Variants in USP47 observed in about 807,000 individuals in gnomAD.
The protein encoded by USP47 is ubiquitin specific peptidase 47, also known as ubiquitin carboxyl-terminal hydrolase 47.
In USP47, 35 loss-of-function variants were observed where a neutral mutation model predicts 165.1. That is an observed-to-expected ratio of 0.21 (90% CI 0.16 to 0.28). The LOEUF is 0.28. Among genes scored for constraint, USP47 ranks in the 10% least tolerant of loss-of-function variants. The probability of loss-of-function intolerance (pLI) is 1.00; values close to 1 mark genes in which losing one functional copy is unlikely to be tolerated. For synonymous variants in USP47, 531 were observed against 544.5 expected, an observed-to-expected ratio of 0.98 and a Z score of 0.35; for missense variants, 1,277 against 1,607.4, an observed-to-expected ratio of 0.79 and a Z score of 3.52.
chr11:11,895,740 C>T (rs1479557016), intron 4 of USP47, among the ~76,000 whole-genome samples: 1 of 150,588 alleles, frequency 6.6e-6, no homozygotes, highest in Non-Finnish European at 1.5e-5. Context: ...TGATACCTGT[C>T]TTTGGCCAGT....
intron 4 of USP47, among the ~76,000 whole-genome samples, chr11:11,894,200 T>C (rs912948360): frequency 2.0e-5 from 3 of 152,172 alleles, no homozygotes; most frequent in Non-Finnish European, 2.9e-5. Flanking sequence ...CTCACTGTTA[T>C]AATCCCATCA....
At chr11:11,859,887 T>G (rs1394716078) in intron 1 of USP47, among the ~76,000 whole-genome samples, 1 of 152,000 alleles carries the variant, frequency 6.6e-6, no homozygotes, top group African/African-American at 2.4e-5. Context: ...GCGAATCATT[T>G]GAGGTCAGGA....
At chr11:11,895,857 C>G (rs920879090) in intron 4 of USP47, among the ~76,000 whole-genome samples, 4 of 152,054 alleles carry the variant, frequency 2.6e-5, no homozygotes, top group African/African-American at 9.7e-5. Context: ...TTTAGGATTT[C>G]TTTTTGCATG....
At chr11:11,923,430 G>T (rs1401068312) in intron 11 of USP47, among the ~76,000 whole-genome samples, 3 of 152,002 alleles carry the variant, frequency 2.0e-5, no homozygotes, top group Admixed American at 2.0e-4. Flanking sequence ...TAGTCCTCAA[G>T]ACACTTTGAA....
intron 14 of USP47, among the ~76,000 whole-genome samples, chr11:11,932,133 A>G (rs1854713616): frequency 6.6e-6 from 1 of 152,130 alleles, no homozygotes; most frequent in East Asian, 1.9e-4. Flanking sequence ...AGAAGGCAAT[A>G]TGGGAGCAGG....
Position 11,892,062 on chromosome 11 carries a change from G to T in USP47, c.452G>T (p.Ser151Ile). 6.2e-7 allele frequency: 1 copy of T among 1,613,778 alleles called. No individual in the cohort carries two copies. Among genetic ancestry groups the T allele is most frequent in the Non-Finnish European group, 8.5e-7 (1 of 1,179,832 alleles). The change falls in exon 4 of 28, where the codon AGC becomes ATC. Residue 151 changes from serine (S) to isoleucine (I), a missense_variant. Coordinates refer to ENST00000527733, the MANE Select transcript of USP47 (RefSeq NM_001282659.2). ...GSGGSTSDYV[S>I]QSYSYSSILN... ...GGGGGTTCTACCAGTGATTATGTCA[G>T]CCAAAGCTACTCCTACTCATCTATT...
intron 1 of USP47, among the ~76,000 whole-genome samples, chr11:11,879,489 G>A (rs148165527): frequency 6.6e-6 from 1 of 152,218 alleles, no homozygotes; most frequent in African/African-American, 2.4e-5. Context: ...TAGCTTATTT[G>A]AGAAAGTTTA....
Position 11,948,530 on chromosome 11 carries a change from T to C in USP47, c.3320T>C (p.Val1107Ala). Residue 1107 changes from valine (V) to alanine (A), a missense_variant, in exon 22 of 28, where the codon GTA (valine) becomes GCA (alanine). This residue lies in a region of USP47 where 909 missense variants were observed against 1,068.1 expected (regional missense o/e 0.85). Coordinates refer to ENST00000527733, the MANE Select transcript of USP47 (RefSeq NM_001282659.2). Reference protein sequence around the residue: ...ALKKGEYRVKVYQLLVNEQEP... With the variant: ...ALKKGEYRVKAYQLLVNEQEP... ...AAAAAAGGAGAATACAGAGTTAAAG[T>C]ATACCAGCTTTTGGTCAATGAACAA... 1 of 1,612,764 alleles carries C rather than the reference T, an allele frequency of 6.2e-7. No homozygotes were observed. Among genetic ancestry groups the C allele is most frequent in the Non-Finnish European group, 8.5e-7 (1 of 1,178,994 alleles).
intron 1 of USP47, among the ~76,000 whole-genome samples, chr11:11,843,566 G>A (rs1848263895): frequency 6.6e-6 from 1 of 152,152 alleles, no homozygotes; most frequent in Non-Finnish European, 1.5e-5. Context: ...GAAGTGATAG[G>A]TGCTGTAAGA....
Position 11,842,085 on chromosome 11 carries a change from C to G in USP47, c.-101C>G. The G allele has an allele frequency of 7.1e-7, 1 of 1,414,212 alleles. No individual in the cohort carries two copies. The highest frequency in any genetic ancestry group is 2.5e-5 in the East Asian group (1 of 39,672). The allele number at this position is 1,414,212 out of a possible 1,614,324, so 87.6% of individuals were successfully genotyped here. A position where few individuals can be genotyped will look rare whatever the true frequency, so the allele number is the denominator to read the frequency against. ...TCCGCTATTGCTGGAGCGCAGGCGG[C>G]GGAGAGGATGACTGCCGCTGCCATT... On this transcript the variant is annotated 5_prime_UTR_variant, in exon 1 of 28. Transcript: ENST00000527733.
intron 2 of USP47, among the ~76,000 whole-genome samples, chr11:11,881,865 A>G (rs1262984288): frequency 1.3e-5 from 2 of 152,236 alleles, no homozygotes; most frequent in East Asian, 3.9e-4. Context: ...CCAACGCTTA[A>G]TATCATTGCA....
chr11:11,888,484 G>A (rs1028244362), intron 3 of USP47, among the ~76,000 whole-genome samples: 18 of 151,894 alleles, frequency 1.2e-4, no homozygotes, highest in African/African-American at 2.4e-4. Flanking sequence ...CACATACACC[G>A]TTCCAAGACT....
At chr11:11,842,752 C>T (rs1297582511) in intron 1 of USP47, among the ~76,000 whole-genome samples, 1 of 151,516 alleles carries the variant, frequency 6.6e-6, no homozygotes, top group Non-Finnish European at 1.5e-5. Context: ...CTAAATGGGG[C>T]CTACCGAAGA....
rs1187149861 is a variant in USP47 at position 11,956,580 on chromosome 11, G to A, written c.*405G>A. ...AGCTGTGCAAAGGCCATGAATGAATGAATTTTCTGTTTATTTCACTGATGC... is the reference window on the plus strand; with the variant it reads ...AGCTGTGCAAAGGCCATGAATGAATAAATTTTCTGTTTATTTCACTGATGC... On this transcript the variant is annotated 3_prime_UTR_variant, in exon 28 of 28. Transcript: ENST00000527733. 6.4e-6 allele frequency: 1 copy of A among 156,120 alleles called. No individual in the cohort carries two copies. Among genetic ancestry groups the A allele is most frequent in the Non-Finnish European group, 1.4e-5 (1 of 70,472 alleles). The allele number at this position is 156,120 out of a possible 1,614,324, so 9.7% of individuals were successfully genotyped here.
At chr11:11,950,270 C>A in intron 23 of USP47, 94 bp from the exon 24 acceptor site, 1 of 864,300 alleles carries the variant, frequency 1.2e-6, no homozygotes, top group South Asian at 1.8e-5. Context: ...TGTATTTGAA[C>A]ATAGTTCATT....
chr11:11,875,925 T>G (rs964906787), intron 1 of USP47, among the ~76,000 whole-genome samples: 2 of 152,136 alleles, frequency 1.3e-5, no homozygotes, highest in African/African-American at 4.8e-5. Context: ...TTAAAAAGGA[T>G]TTTTTTTCTT....
chr11:11,959,944 T>G lies in USP47; in HGVS notation c.*3769T>G, dbSNP rs1438464234. ...CCTCTCCCCACCTGTTTTCAGCCTC[T>G]TTTATAATGCTTAAGTAACCTGCTT... On this transcript the variant is annotated 3_prime_UTR_variant, in exon 28 of 28. Transcript: ENST00000527733. Among the ~76,000 whole-genome samples, 3 of 152,204 alleles carry G rather than the reference T, an allele frequency of 2.0e-5. No individual in the cohort carries two copies. Among genetic ancestry groups the G allele is most frequent in the African/African-American group, 4.8e-5 (2 of 41,458 alleles).
Position 11,853,488 on chromosome 11 carries a change from A to G in USP47, c.39+11264A>G, listed in dbSNP as rs149513919. Among the ~76,000 whole-genome samples, 317 of 152,364 alleles carry G rather than the reference A, an allele frequency of 2.1e-3. 1 individual carries two copies. Among genetic ancestry groups the G allele is most frequent in the Middle Eastern group, 0.01 (3 of 294 alleles). On this transcript the variant is annotated intron_variant, in intron 1 of 27. Transcript: ENST00000527733. ...GACAAAAAATGATGTGATCTTTCACATCGACGTTCTTAAAGAATATGTGTT... is the reference window on the plus strand; with the variant it reads ...GACAAAAAATGATGTGATCTTTCACGTCGACGTTCTTAAAGAATATGTGTT...
At chr11:11,858,920 A>G (rs1359984812) in intron 1 of USP47, among the ~76,000 whole-genome samples, 1 of 152,194 alleles carries the variant, frequency 6.6e-6, no homozygotes, top group South Asian at 2.1e-4. Context: ...ACTTTGTAAA[A>G]CACTGCCAAA....
Sources: gnomAD v4.1 joint callset for allele counts (sites outside exome capture counted in the v4.1 genomes callset) on GRCh38, gnomAD v4.1.1 for gene constraint, gnomAD v4.1.1 regional missense constraint, MANE v1.5 for transcripts, NCBI Gene and HGNC (gene_info 2026-07-23, HGNC 2026-07-21) for gene names.